Variants in MBD2 observed in about 807,000 individuals in gnomAD.
MBD2 encodes the protein methyl-CpG-binding domain protein 2.
A neutral mutation model predicts 39.3 loss-of-function variants in MBD2; 9 were observed. The observed-to-expected ratio is 0.23, with a 90% CI of 0.14 to 0.40. The LOEUF (loss-of-function observed/expected upper bound fraction) is 0.40, where lower values mean the gene tolerates loss of function less well. MBD2 is among the 10% of genes least tolerant of loss of function. The pLI, the probability that MBD2 is intolerant of heterozygous loss-of-function variation, is 1.00. For missense variants in MBD2, 458 were observed against 532.6 expected (o/e 0.86, Z 1.38); for synonymous variants, 233 against 211.1 (o/e 1.10, Z -0.90).
At position 54,224,214 on chromosome 18, in the gene MBD2, T is replaced by TGCCGCC. The variant is rs756585233; in HGVS notation, c.340_345dup (p.Gly114_Gly115dup). ...CGCCGGGGGGCGCCGCCGCCACCGC[T>TGCCGCC]GCCGCCGCCGCCGCAGCCGCCGCCG... On this transcript the variant is annotated inframe_insertion, in exon 1 of 7. Coordinates refer to ENST00000256429, the MANE Select transcript of MBD2 (RefSeq NM_003927.5). 9.8e-6 allele frequency: 11 copies of TGCCGCC among 1,121,452 alleles called. No individual in the cohort carries two copies. The highest frequency in any genetic ancestry group is 1.1e-5 in the Non-Finnish European group (10 of 916,246). 69.5% of individuals were successfully genotyped at this position (1,121,452 alleles called of 1,614,324 possible).
At chr18:54,174,254 G>A (rs1333107857) in intron 3 of MBD2, among the ~76,000 whole-genome samples, 2 of 152,212 alleles carry the variant, frequency 1.3e-5, no homozygotes, top group African/African-American at 4.8e-5. Flanking sequence ...GAGGCAGTAA[G>A]AGGAAATGGA....
At chr18:54,170,067 C>T (rs932165567) in intron 3 of MBD2, among the ~76,000 whole-genome samples, 1 of 152,172 alleles carries the variant, frequency 6.6e-6, no homozygotes, top group African/African-American at 2.4e-5. Context: ...ACAAAAGTGC[C>T]TAAAATTTAA....
intron 3 of MBD2, among the ~76,000 whole-genome samples, chr18:54,177,416 T>G (rs1263059761): frequency 6.6e-6 from 1 of 152,212 alleles, no homozygotes. Context: ...CTATCATTAG[T>G]TCTTTATAAG....
In MBD2 at chr18:54,224,432, G is replaced by A. The variant is rs2086644905; in HGVS notation, c.128C>T (p.Pro43Leu). 3 of 1,240,086 alleles carry A rather than the reference G, an allele frequency of 2.4e-6. No homozygotes were observed. The highest frequency in any genetic ancestry group is 2.0e-6 in the Non-Finnish European group (2 of 995,510). The allele number at this position is 1,240,086 out of a possible 1,614,324, so 76.8% of individuals were successfully genotyped here. ...CCTGCGCACGCCGCTCACCGGGGACGGGGCGAGCGCGCTGCCCTGGCCCCC... is the reference window on the plus strand; with the variant it reads ...CCTGCGCACGCCGCTCACCGGGGACAGGGCGAGCGCGCTGCCCTGGCCCCC... Reference protein sequence around the residue: ...EQGGQGSALAPSPVSGVRREG... With the variant: ...EQGGQGSALALSPVSGVRREG... The change falls in exon 1 of 7, where the codon CCG (proline) becomes CTG (leucine). Residue 43 changes from proline (P) to leucine (L), a missense_variant. Physicochemically the swap from Pro to Leu is moderately conservative, Grantham distance 98 (BLOSUM62 -3). Transcript: ENST00000256429.
intron 1 of MBD2, among the ~76,000 whole-genome samples, chr18:54,205,913 AC>A (rs2086446269): frequency 6.6e-6 from 1 of 152,056 alleles, no homozygotes; most frequent in South Asian, 2.1e-4. Flanking sequence ...AAACTTGAGA[AC>A]AAATTCTTCT....
At chr18:54,168,114 A>G (rs1054323035) in intron 3 of MBD2, among the ~76,000 whole-genome samples, 8 of 151,460 alleles carry the variant, frequency 5.3e-5, no homozygotes, top group African/African-American at 1.9e-4. Flanking sequence ...TATTAATCTC[A>G]TAGTCACTGA....
At chr18:54,183,971 G>C (rs2086267048) in intron 3 of MBD2, among the ~76,000 whole-genome samples, 1 of 152,112 alleles carries the variant, frequency 6.6e-6, no homozygotes, top group South Asian at 2.1e-4. Flanking sequence ...GTTCAGTTCA[G>C]ATGGGTAATA....
chr18:54,217,462 T>A (rs1392862373), intron 1 of MBD2, among the ~76,000 whole-genome samples: 1 of 152,132 alleles, frequency 6.6e-6, no homozygotes, highest in Non-Finnish European at 1.5e-5. Context: ...CAAAGAACAA[T>A]GAAAGATCAA....
chr18:54,172,448 G>T (rs2086184959), intron 3 of MBD2, among the ~76,000 whole-genome samples: 1 of 152,166 alleles, frequency 6.6e-6, no homozygotes, highest in African/African-American at 2.4e-5. Flanking sequence ...AATGGAAAAA[G>T]AAAGGGAGTG....
intron 1 of MBD2, among the ~76,000 whole-genome samples, chr18:54,211,624 C>A (rs1195275537): frequency 6.6e-6 from 1 of 152,116 alleles, no homozygotes; most frequent in East Asian, 1.9e-4. Flanking sequence ...CACCTTTAAA[C>A]ACAGCCTTCC....
At chr18:54,170,244 A>G (rs995340129) in intron 3 of MBD2, among the ~76,000 whole-genome samples, 1 of 152,234 alleles carries the variant, frequency 6.6e-6, no homozygotes, top group Non-Finnish European at 1.5e-5. Context: ...GTGTATTACA[A>G]AAACTGCTTC....
intron 3 of MBD2, among the ~76,000 whole-genome samples, chr18:54,169,353 C>T (rs1220283424): frequency 6.6e-6 from 1 of 151,148 alleles, no homozygotes; most frequent in Non-Finnish European, 1.5e-5. Flanking sequence ...CAGTCAGCTC[C>T]TCTCACCAAA....
At chr18:54,186,702 T>C (rs909046615) in intron 3 of MBD2, among the ~76,000 whole-genome samples, 19 of 152,126 alleles carry the variant, frequency 1.2e-4, no homozygotes, top group African/African-American at 3.4e-4. Flanking sequence ...CTTAGCACAA[T>C]CAAAAGCATC....
intron 3 of MBD2, among the ~76,000 whole-genome samples, chr18:54,172,889 G>A (rs1291584279): frequency 1.3e-5 from 2 of 152,178 alleles, no homozygotes; most frequent in African/African-American, 4.8e-5. Context: ...AAGGGTTATG[G>A]GAACAAAATG....
intron 1 of MBD2, chr18:54,222,378 C>A (rs755645590): frequency 1.9e-6 from 1 of 518,110 alleles, no homozygotes; most frequent in Non-Finnish European, 3.9e-6. Flanking sequence ...AAATCCTGGC[C>A]CCACAGCCTG....
rs1229551736 is a variant in MBD2 at position 54,224,132 on chromosome 18, G to C, written c.428C>G (p.Ala143Gly). Residue 143 changes from alanine to glycine, a missense_variant, in exon 1 of 7, where the codon GCC (alanine) becomes GGC (glycine). Transcript: ENST00000256429. ...ATCCATCCTCTTCCCGCTCTCCGTG[G>C]CCCGGGGTCCCCTGGGCCCCGGCCC... ...SAGPGPRGPR[A>G]TESGKRMDCP... The C allele has an allele frequency of 6.4e-6, 10 of 1,552,944 alleles. No individual in the cohort carries two copies. The East Asian group carries it at 2.5e-4, about 39-fold the overall frequency.
At chr18:54,171,407 G>A (rs1159686543) in intron 3 of MBD2, among the ~76,000 whole-genome samples, 2 of 150,986 alleles carry the variant, frequency 1.3e-5, no homozygotes, top group Non-Finnish European at 3.0e-5. Context: ...AAAAAAAAAA[G>A]CATGCACGTA....
intron 2 of MBD2, among the ~76,000 whole-genome samples, chr18:54,199,906 A>G (rs946920157): frequency 6.6e-6 from 1 of 152,252 alleles, no homozygotes; most frequent in East Asian, 1.9e-4. Flanking sequence ...AAGTTTCTCA[A>G]ACTACACAGA....
chr18:54,214,968 C>T (rs575839899), intron 1 of MBD2, among the ~76,000 whole-genome samples: 30 of 152,200 alleles, frequency 2.0e-4, no homozygotes, highest in Non-Finnish European at 3.8e-4. Flanking sequence ...TCTCGATCTC[C>T]TGACCTCGTG....
Sources: gnomAD v4.1 joint callset for allele counts (sites outside exome capture counted in the v4.1 genomes callset) on GRCh38, gnomAD v4.1.1 for gene constraint, MANE v1.5 for transcripts, NCBI Gene and HGNC (gene_info 2026-07-23, HGNC 2026-07-21) for gene names.